The following OTOA variants were observed in gnomAD, a reference collection of about 807,000 sequenced individuals.
OTOA encodes the protein cancer/testis antigen 108.
In OTOA, 70 loss-of-function variants were observed where a neutral mutation model predicts 110.8. That is an observed-to-expected ratio of 0.63 (90% CI 0.52 to 0.77). The LOEUF is 0.77. Among genes scored for constraint, OTOA ranks in the 30% least tolerant of loss-of-function variants. The pLI, the probability that OTOA is intolerant of heterozygous loss-of-function variation, is 0.00. For missense variants in OTOA, 917 were observed against 1,075.8 expected (o/e 0.85, Z 2.06); for synonymous variants, 373 against 431.5 (o/e 0.86, Z 1.68).
At chr16:21,696,115 G>A (rs761397034) in intron 9 of OTOA, among the ~76,000 whole-genome samples, 15 of 151,474 alleles carry the variant, frequency 9.9e-5, no homozygotes, top group Non-Finnish European at 1.6e-4. Context: ...GTATGCTCTC[G>A]ATCTCCTGAC....
At position 21,699,027 on chromosome 16, in the gene OTOA, T is replaced by C. The variant is rs936666653; in HGVS notation, c.840+1152T>C. 5.9e-5 allele frequency among the ~76,000 whole-genome samples: 9 copies of C among 152,206 alleles called. No individual in the cohort carries two copies. The South Asian group carries it at 1.2e-3, about 21-fold the overall frequency. The stretch of plus-strand genomic sequence containing the variant: ...GTGCAGTGGCGTGATCTCAGCTCAC[T>C]GCAACCTCCTTCTCCCAGATTCAAT... On this transcript the variant is annotated intron_variant, in intron 10 of 28. Coordinates refer to ENST00000646100, the MANE Select transcript of OTOA (RefSeq NM_144672.4).
At position 21,697,821 on chromosome 16, in the gene OTOA, C is replaced by A. The variant is rs564618397; in HGVS notation, c.786C>A (p.Gly262=). Residue 262 remains glycine, a synonymous_variant, in exon 10 of 29, where the codon GGC becomes GGA. Coordinates refer to ENST00000646100, the MANE Select transcript of OTOA (RefSeq NM_144672.4). ...WVSAEHLWVL[G]RYMVHLSFEE... ...GTGCGGAACACTTATGGGTTTTGGGCAGATACATGGTTCACCTATCGTTTG... is the reference window on the plus strand; with the variant it reads ...GTGCGGAACACTTATGGGTTTTGGGAAGATACATGGTTCACCTATCGTTTG... 10 of 1,614,048 alleles carry A rather than the reference C, an allele frequency of 6.2e-6. No homozygotes were observed. In the African/African-American group the frequency reaches 1.3e-4, roughly 22 times the overall value.
intron 13 of OTOA, among the ~76,000 whole-genome samples, chr16:21,714,369 CTCTCTCTT>C (rs781384312): frequency 0.011 from 1,255 of 116,916 alleles, 19 homozygotes; most frequent in Admixed American, 0.024. Flanking sequence ...CTCTTTCTTT[CTCTCTCTT>C]TCTCTCTTTC....
At chr16:21,686,700 G>C (rs926434643) in intron 7 of OTOA, among the ~76,000 whole-genome samples, 4 of 152,072 alleles carry the variant, frequency 2.6e-5, no homozygotes, top group Admixed American at 6.6e-5. Flanking sequence ...CCAGTAGTTT[G>C]AGACCAGCCT....
chr16:21,707,706 CCTTT>C (rs1360351071), intron 12 of OTOA, among the ~76,000 whole-genome samples: 2 of 145,068 alleles, frequency 1.4e-5, no homozygotes, highest in South Asian at 2.2e-4. Context: ...CTCCTTCCTT[CCTTT>C]CTTTCTTCTC....
chr16:21,716,692 A>C lies in OTOA; in HGVS notation c.1489-215A>C, dbSNP rs529731613. ...AGGAGCACGGGTTTTGGAATCAGAC[A>C]GACTTGGGCTTGAATGTCACTTACT... On this transcript the variant is annotated intron_variant, in intron 14 of 28. Transcript: ENST00000646100. 1.1e-3 allele frequency among the ~76,000 whole-genome samples: 165 copies of C among 152,250 alleles called. 1 individual carries two copies. Among genetic ancestry groups the C allele is most frequent in the African/African-American group, 3.8e-3 (158 of 41,558 alleles).
rs138203070 is a variant in OTOA, at chr16:21,694,346, G to C, written c.739+2659G>C. On this transcript the variant is annotated intron_variant, in intron 9 of 28. Coordinates refer to ENST00000646100, the MANE Select transcript of OTOA (RefSeq NM_144672.4). The stretch of plus-strand genomic sequence containing the variant: ...AGTCCCAGCTACCCTGGAGGCTGAG[G>C]GGGGGAGGATCCCTTGAACCTAGGA... Among the ~76,000 whole-genome samples the C allele has an allele frequency of 1.2e-3, 190 of 152,198 alleles. 1 individual carries two copies. The Middle Eastern group carries it at 0.02, about 16-fold the overall frequency.
At chr16:21,692,500 G>A (rs1184195258) in intron 9 of OTOA, among the ~76,000 whole-genome samples, 2 of 152,172 alleles carry the variant, frequency 1.3e-5, no homozygotes, top group African/African-American at 4.8e-5. Context: ...CAAATTCATA[G>A]AGACAGAAAT....
chr16:21,749,847 C>A (rs1409692997), intron 24 of OTOA, among the ~76,000 whole-genome samples: 6 of 139,340 alleles, frequency 4.3e-5, no homozygotes, highest in African/African-American at 1.6e-4. Context: ...CCATGCCTGG[C>A]TAATTTTTGT....
chr16:21,756,716 T>A (rs1236698458), intron 27 of OTOA, among the ~76,000 whole-genome samples: 1 of 151,968 alleles, frequency 6.6e-6, no homozygotes, highest in Non-Finnish European at 1.5e-5. Context: ...ATAGTACATT[T>A]TATATTCTCT....
intron 13 of OTOA, among the ~76,000 whole-genome samples, chr16:21,713,518 G>T (rs1297318812): frequency 5.3e-5 from 8 of 152,152 alleles, no homozygotes; most frequent in African/African-American, 1.9e-4. Context: ...GTGCCAGGTT[G>T]TGTTCTAAGT....
At chr16:21,733,839 G>A (rs1899194206) in intron 21 of OTOA, among the ~76,000 whole-genome samples, 1 of 152,082 alleles carries the variant, frequency 6.6e-6, no homozygotes, top group South Asian at 2.1e-4. Flanking sequence ...TAGCTGTGTT[G>A]CCCAGGCCGG....
chr16:21,676,861 C>A (rs760986876), intron 1 of OTOA, among the ~76,000 whole-genome samples: 1 of 152,120 alleles, frequency 6.6e-6, no homozygotes, highest in Non-Finnish European at 1.5e-5. Flanking sequence ...TGAGCAGGAG[C>A]AATTATAGAG....
intron 1 of OTOA, among the ~76,000 whole-genome samples, chr16:21,669,521 T>C (rs1401637591): frequency 6.6e-6 from 1 of 152,170 alleles, no homozygotes; most frequent in African/African-American, 2.4e-5. Context: ...TCAAGCTTAG[T>C]ATGTCCAAAA....
intron 7 of OTOA, 36 bp downstream of exon 7, chr16:21,685,397 T>C: frequency 3.7e-6 from 6 of 1,604,994 alleles, no homozygotes; most frequent in Non-Finnish European, 5.1e-6. Flanking sequence ...ATAGAGGAAG[T>C]CCAGCACCAC....
At chr16:21,704,614 G>C (rs886726379) in intron 11 of OTOA, among the ~76,000 whole-genome samples, 5 of 152,286 alleles carry the variant, frequency 3.3e-5, no homozygotes, top group Admixed American at 2.6e-4. Flanking sequence ...ACTGGGGAGG[G>C]GGTGTCGTGT....
At chr16:21,707,287 G>A (rs538677409) in intron 12 of OTOA, among the ~76,000 whole-genome samples, 1 of 151,890 alleles carries the variant, frequency 6.6e-6, no homozygotes, top group African/African-American at 2.4e-5. Flanking sequence ...TGACCAAGGA[G>A]AAGGTGGCAT....
intron 1 of OTOA, among the ~76,000 whole-genome samples, chr16:21,672,537 C>T (rs751989919): frequency 1.5e-4 from 23 of 150,784 alleles, no homozygotes; most frequent in Non-Finnish European, 2.5e-4. Context: ...GCAGGAGAAT[C>T]GCTTGCACCT....
rs561519950 is a variant in OTOA at position 21,676,817 on chromosome 16, C to G, written c.-4-1694C>G. Among the ~76,000 whole-genome samples, 143 of 152,256 alleles carry G rather than the reference C, an allele frequency of 9.4e-4. 5 individuals are homozygous for G. The South Asian group carries it at 0.029, about 30-fold the overall frequency. On this transcript the variant is annotated intron_variant, in intron 1 of 28. Transcript: ENST00000646100. ...ACCTGTAGGCTCTGTTTGGATTCTC[C>G]CTCCTTGTGCTGTTGGATGGAGACT...
Sources: gnomAD v4.1 joint callset for allele counts (sites outside exome capture counted in the v4.1 genomes callset) on GRCh38, gnomAD v4.1.1 for gene constraint, MANE v1.5 for transcripts, NCBI Gene and HGNC (gene_info 2026-07-23, HGNC 2026-07-21) for gene names.